The following SPAG1 variants were observed in gnomAD, a reference collection of about 807,000 sequenced individuals.
The protein encoded by SPAG1 is sperm associated antigen 1.
SPAG1 carries 69 observed loss-of-function variants against 100.5 expected under a neutral mutation model. The observed-to-expected ratio is 0.69, with a 90% CI of 0.57 to 0.84. The LOEUF (loss-of-function observed/expected upper bound fraction) is 0.84. SPAG1 is among the 40% of genes least tolerant of loss of function. The probability of loss-of-function intolerance (pLI) is 0.00; values close to 1 mark genes in which losing one functional copy is unlikely to be tolerated. For missense variants in SPAG1, 955 were observed against 1,133.1 expected (o/e 0.84, Z 2.26); for synonymous variants, 336 against 411.6 (o/e 0.82, Z 2.22).
At chr8:100,176,054 T>A (rs1030292669) in intron 3 of SPAG1, among the ~76,000 whole-genome samples, 1 of 152,200 alleles carries the variant, frequency 6.6e-6, no homozygotes, top group Non-Finnish European at 1.5e-5. Context: ...TGGCATTTTT[T>A]TCCCCAAGAA....
intron 4 of SPAG1, among the ~76,000 whole-genome samples, chr8:100,180,498 A>C (rs1265183047): frequency 6.6e-6 from 1 of 152,244 alleles, no homozygotes; most frequent in Non-Finnish European, 1.5e-5. Flanking sequence ...AACAAATTTC[A>C]AGATCTAATT....
intron 8 of SPAG1, among the ~76,000 whole-genome samples, 163 bp downstream of exon 8, chr8:100,187,413 G>A (rs980192126): frequency 2.6e-5 from 4 of 152,084 alleles, no homozygotes; most frequent in African/African-American, 9.7e-5. Flanking sequence ...GAACTTGTAA[G>A]TTAAGCTCCT....
At chr8:100,197,220 G>A (rs1410312512) in intron 10 of SPAG1, among the ~76,000 whole-genome samples, 1 of 152,096 alleles carries the variant, frequency 6.6e-6, no homozygotes, top group Non-Finnish European at 1.5e-5. Flanking sequence ...GGGAGCTCAG[G>A]AGGCTGAGGG....
rs192746190 is a variant in SPAG1 at position 100,207,353 on chromosome 8, T to G, written c.1097-5737T>G. ...CCACCTTGCCTTCTCTCCCCCAGCCTGCACCGATGGCCTCCTGGGGAGTTT... is the reference window on the plus strand; with the variant it reads ...CCACCTTGCCTTCTCTCCCCCAGCCGGCACCGATGGCCTCCTGGGGAGTTT... On this transcript the variant is annotated intron_variant, in intron 10 of 18. Transcript: ENST00000388798. 3.4e-3 allele frequency among the ~76,000 whole-genome samples: 513 copies of G among 152,298 alleles called. 3 individuals carry two copies. Among genetic ancestry groups the G allele is most frequent in the African/African-American group, 0.012 (497 of 41,566 alleles).
rs1231184603 is a variant in SPAG1 at position 100,184,704 on chromosome 8, T to C, written c.672T>C (p.Asp224=). The C allele has an allele frequency of 5.7e-6, 9 of 1,588,462 alleles. No homozygotes were observed. In the African/African-American group the frequency reaches 9.6e-5, roughly 17 times the overall value. The change falls in exon 7 of 19, where the codon GAT becomes GAC. Residue 224 remains aspartate (D), a synonymous_variant. Transcript: ENST00000388798. ...EKGNEAFNSG[D]YEEAVMYYTR... is the part of the protein sequence containing the mutation. The stretch of plus-strand genomic sequence containing the variant: ...GAAATGAAGCTTTCAACTCAGGAGA[T>C]TATGAAGAAGCAGTGATGTATTATA...
chr8:100,179,516 C>T (rs2935123), intron 4 of SPAG1, among the ~76,000 whole-genome samples: 1 of 152,050 alleles, frequency 6.6e-6, no homozygotes, highest in Non-Finnish European at 1.5e-5. Context: ...AAAGTATGGT[C>T]TAGGAAGCCC....
In SPAG1 at chr8:100,177,928, T is replaced by C. The variant is rs141605537; in HGVS notation, c.413T>C (p.Leu138Pro). The change falls in exon 4 of 19, where the codon CTT (leucine) becomes CCT (proline). Residue 138 changes from leucine to proline, a missense_variant. By Grantham distance (98) the Leu-to-Pro change is moderately conservative. Transcript: ENST00000388798. The stretch of plus-strand genomic sequence containing the variant: ...CCAGTTCGTGGTTCAAACAGCTGTC[T>C]TCATGTAGGCAAGGTAGGCTTCTTT... ...LPPVRGSNSC[L>P]HVGKEKYSKR... 1.8e-4 allele frequency: 298 copies of C among 1,612,570 alleles called. 1 individual carries two copies. The African/African-American group carries it at 2.8e-3, about 15-fold the overall frequency.
At position 100,239,920 on chromosome 8, in the gene SPAG1, ATGTT is replaced by A. The variant is rs1819179514; in HGVS notation, c.2281-482_2281-479del. The stretch of plus-strand genomic sequence containing the variant: ...TTTCTCTGCCTAATATTAGGGAAGA[ATGTT>A]AGGCTGTGAATCCCTGTACATTCAT... On this transcript the variant is annotated intron_variant, in intron 17 of 18. Coordinates refer to ENST00000388798, the MANE Select transcript of SPAG1 (RefSeq NM_003114.5). This position sits in a 1 kb window ranked among gnomAD's most constrained non-coding sequence, Gnocchi z 5.0. Among the ~76,000 whole-genome samples the A allele has an allele frequency of 6.6e-6, 1 of 152,226 alleles. No homozygotes were observed. Among genetic ancestry groups the A allele is most frequent in the Admixed American group, 6.5e-5 (1 of 15,292 alleles).
chr8:100,238,679 C>T (rs1660353), intron 16 of SPAG1, among the ~76,000 whole-genome samples: 81,786 of 151,974 alleles, frequency 0.54, 22,923 homozygotes, highest in Admixed American at 0.64. Context: ...CTAGCCAATT[C>T]GAAGAGTAAA....
In SPAG1 at chr8:100,191,359, A is replaced by C. The variant is rs779712130; in HGVS notation, c.833-31A>C. 40 of 1,487,032 alleles carry C rather than the reference A, an allele frequency of 2.7e-5. No homozygotes were observed. The Admixed American group carries it at 6.6e-4, about 24-fold the overall frequency. The allele number at this position is 1,487,032 out of a possible 1,614,324, so 92.1% of individuals were successfully genotyped here. A position where few individuals can be genotyped will look rare whatever the true frequency, so the allele number is the denominator to read the frequency against. On this transcript the variant is annotated intron_variant, in intron 8 of 18. Coordinates refer to ENST00000388798, the MANE Select transcript of SPAG1 (RefSeq NM_003114.5). ...TGTAACCATAATGCCACATATTAAAAAACATAACTTTTATATTGGTAAATT... is the reference window on the plus strand; with the variant it reads ...TGTAACCATAATGCCACATATTAAACAACATAACTTTTATATTGGTAAATT...
intron 10 of SPAG1, among the ~76,000 whole-genome samples, chr8:100,210,148 T>A (rs1389770652): frequency 6.6e-6 from 1 of 152,118 alleles, no homozygotes; most frequent in Non-Finnish European, 1.5e-5. Context: ...ATAAATATAC[T>A]TTATTATGTT....
At chr8:100,238,319 T>C (rs1819100522) in intron 16 of SPAG1, among the ~76,000 whole-genome samples, 1 of 152,208 alleles carries the variant, frequency 6.6e-6, no homozygotes, top group African/African-American at 2.4e-5. Flanking sequence ...TGCTCTGGTG[T>C]GTTGCTGTAG....
intron 14 of SPAG1, among the ~76,000 whole-genome samples, chr8:100,229,631 C>T (rs933538729): frequency 6.6e-6 from 1 of 152,118 alleles, no homozygotes; most frequent in Admixed American, 6.5e-5. Flanking sequence ...CCCCTGAACA[C>T]GTGGTCTGAA....
At chr8:100,224,828 A>G (rs1429358365) in intron 13 of SPAG1, among the ~76,000 whole-genome samples, 1 of 152,196 alleles carries the variant, frequency 6.6e-6, no homozygotes, top group Non-Finnish European at 1.5e-5. Context: ...ATGATTTTAA[A>G]TATTACAGGA....
intron 8 of SPAG1, among the ~76,000 whole-genome samples, chr8:100,189,352 C>T (rs1355852751): frequency 6.6e-6 from 1 of 152,082 alleles, no homozygotes; most frequent in East Asian, 1.9e-4. Flanking sequence ...TGGCAGGCAC[C>T]TGTAATCCCA....
chr8:100,169,285 G>C (rs28451109), intron 3 of SPAG1, among the ~76,000 whole-genome samples: 3,679 of 152,256 alleles, frequency 0.024, 150 homozygotes, highest in African/African-American at 0.083. Context: ...TGGGTGTGGT[G>C]GCGCATGCCT....
In SPAG1 at chr8:100,233,423, C is replaced by T; in HGVS notation, c.2001C>T (p.Tyr667=). ...TGCATTATGCCAGAGCTCTCTGTTA[C>T]TTGAAGCTGTGCCAGTTTGAAGAAG... The part of the protein sequence containing the change: ...CAIYTNRALC[Y]LKLCQFEEAK... Residue 667 remains tyrosine (Y), a synonymous_variant, in exon 16 of 19, where the codon TAC becomes TAT. Transcript: ENST00000388798. 2 of 1,613,984 alleles carry T rather than the reference C, an allele frequency of 1.2e-6. No individual in the cohort carries two copies. The highest frequency in any genetic ancestry group is 1.7e-6 in the Non-Finnish European group (2 of 1,179,926).
intron 10 of SPAG1, among the ~76,000 whole-genome samples, chr8:100,195,041 T>C (rs1330672405): frequency 6.6e-6 from 1 of 151,984 alleles, no homozygotes; most frequent in Non-Finnish European, 1.5e-5. Context: ...GGCATGCACC[T>C]GTAACCCCAG....
chr8:100,184,990 G>A (rs1816526696), intron 7 of SPAG1: 3 of 342,076 alleles, frequency 8.8e-6, no homozygotes, highest in Non-Finnish European at 1.6e-5. Context: ...CATCTGACAG[G>A]AATTCAACAG....
Sources: gnomAD v4.1 joint callset for allele counts (sites outside exome capture counted in the v4.1 genomes callset) on GRCh38, gnomAD v4.1.1 for gene constraint, Gnocchi (gnomAD v3.1) non-coding constraint, MANE v1.5 for transcripts, NCBI Gene and HGNC (gene_info 2026-07-23, HGNC 2026-07-21) for gene names.